The following PARD3B variants were observed in gnomAD, a reference collection of about 807,000 sequenced individuals.
PARD3B encodes the protein par-3 family cell polarity regulator beta.
Under a neutral mutation model 130.2 loss-of-function variants are expected in PARD3B, and 103 were observed. That is an observed-to-expected ratio of 0.79 (90% CI 0.67 to 0.93). The LOEUF (loss-of-function observed/expected upper bound fraction) is 0.93. Among genes scored for constraint, PARD3B ranks in the 40% least tolerant of loss-of-function variants. PARD3B has a pLI of 0.00. For synonymous variants in PARD3B, 583 were observed against 553.2 expected (o/e 1.05, Z -0.76); for missense variants, 1,609 against 1,499.2 (o/e 1.07, Z -1.21).
At position 204,997,047 on chromosome 2, in the gene PARD3B, C is replaced by T. The variant is rs940325008; in HGVS notation, c.394+31724C>T. On this transcript the variant is annotated intron_variant, in intron 3 of 22. Transcript: ENST00000406610. ...TGCAGAAATCACCCGTCTTCTGCGT[C>T]GCTCACGCTGGGAGCTGTAGACCGG... Among the ~76,000 whole-genome samples the T allele has an allele frequency of 5.3e-5, 8 of 152,158 alleles. No homozygotes were observed. The East Asian group carries it at 5.8e-4, about 11-fold the overall frequency.
rs750448131 is a variant in PARD3B, at chr2:205,615,683, C to T, written c.3488C>T (p.Pro1163Leu). 3.7e-6 allele frequency: 6 copies of T among 1,614,118 alleles called. No homozygotes were observed. The highest frequency in any genetic ancestry group is 5.1e-6 in the Non-Finnish European group (6 of 1,180,022). ...TTTCGACAAGACGTTCCGCCTTCCC[C>T]TCCCCAGCACCAAAGAATGCCAGCC... The part of the protein sequence containing the change: ...GPFRQDVPPS[P>L]PQHQRMPAYQ... Residue 1163 changes from proline to leucine, a missense_variant, in exon 23 of 23, where the codon CCT (proline) becomes CTT (leucine). Coordinates refer to ENST00000406610, the MANE Select transcript of PARD3B (RefSeq NM_001302769.2).
In PARD3B at chr2:205,287,617, G is replaced by A. The variant is rs1466428188; in HGVS notation, c.2186-12913G>A. ...TGGGTCGTAGGCACACTGAATGAGA[G>A]TTGAGGAGGCATAGTACACCAAGGA... On this transcript the variant is annotated intron_variant, in intron 16 of 22. Transcript: ENST00000406610. This position sits in a 1 kb window ranked among gnomAD's most constrained non-coding sequence, Gnocchi z 4.8. 6.6e-6 allele frequency among the ~76,000 whole-genome samples: 1 copy of A among 152,162 alleles called. No individual in the cohort carries two copies. Among genetic ancestry groups the A allele is most frequent in the Admixed American group, 6.5e-5 (1 of 15,270 alleles).
chr2:205,440,676 A>G lies in PARD3B; in HGVS notation c.3044+4A>G. On this transcript the variant is annotated splice_donor_region_variant and intron_variant, in intron 20 of 22. Coordinates refer to ENST00000406610, the MANE Select transcript of PARD3B (RefSeq NM_001302769.2). The surrounding 1 kb of genome is among the most constrained non-coding windows in gnomAD (Gnocchi z 4.2). ...ATCCACTGGTTCCAGCTGACAGGTA[A>G]TAAACTTAGTGAAAGATAAATGTAG... is the stretch of plus-strand genomic sequence containing the variant. 2 of 1,606,480 alleles carry G rather than the reference A, an allele frequency of 1.2e-6. No homozygotes were observed. The highest frequency in any genetic ancestry group is 1.7e-6 in the Non-Finnish European group (2 of 1,173,442).
At position 205,021,620 on chromosome 2, in the gene PARD3B, C is replaced by CT. The variant is rs1559362286; in HGVS notation, c.395-25961_395-25960insT. ...TCTCTCTCTCTCTCTCTCTCTCTCT[C>CT]CCTCTCTCTTTCTCTCTCTCTCTCT... On this transcript the variant is annotated intron_variant, in intron 3 of 22. Coordinates refer to ENST00000406610, the MANE Select transcript of PARD3B (RefSeq NM_001302769.2). The surrounding 1 kb of genome is among the most constrained non-coding windows in gnomAD (Gnocchi z 4.5). Among the ~76,000 whole-genome samples, 30 of 136,782 alleles carry CT rather than the reference C, an allele frequency of 2.2e-4. No individual in the cohort carries two copies. Among genetic ancestry groups the CT allele is most frequent in the African/African-American group, 7.6e-4 (28 of 36,802 alleles). The allele number at this position is 136,782 out of a possible 152,430, so 89.7% of individuals were successfully genotyped here.
At chr2:205,453,196 A>G (rs10187219) in intron 20 of PARD3B, among the ~76,000 whole-genome samples, 16,235 of 152,196 alleles carry the variant, frequency 0.11, 1,290 homozygotes, top group African/African-American at 0.23. Context: ...AGATGCTTGA[A>G]TGCAGATCTG....
At chr2:205,514,872 C>G (rs1159193100) in intron 21 of PARD3B, among the ~76,000 whole-genome samples, 34 of 137,696 alleles carry the variant, frequency 2.5e-4, no homozygotes, top group Non-Finnish European at 4.9e-4. Context: ...AGGGTACATG[C>G]GAAGGTTTGT....
intron 18 of PARD3B, among the ~76,000 whole-genome samples, chr2:205,345,712 C>A (rs1314221699): frequency 6.7e-6 from 1 of 150,222 alleles, no homozygotes; most frequent in African/African-American, 2.4e-5. Flanking sequence ...TGGACTGAAA[C>A]CAGGGAATCA....
intron 3 of PARD3B, among the ~76,000 whole-genome samples, chr2:204,986,262 G>C (rs1183337833): frequency 6.6e-6 from 1 of 152,146 alleles, no homozygotes; most frequent in Non-Finnish European, 1.5e-5. Context: ...GGGCCTGCCA[G>C]TATGTAACCC....
intron 2 of PARD3B, among the ~76,000 whole-genome samples, chr2:204,928,802 C>T (rs1303977409): frequency 6.6e-6 from 1 of 152,088 alleles, no homozygotes; most frequent in Non-Finnish European, 1.5e-5. Context: ...TTGAATCTCT[C>T]TCCTGCCTTA....
intron 1 of PARD3B, among the ~76,000 whole-genome samples, chr2:204,646,283 A>G (rs771631018): frequency 6.6e-6 from 1 of 152,080 alleles, no homozygotes; most frequent in Non-Finnish European, 1.5e-5. Flanking sequence ...GGAAAGCACT[A>G]TCCTGAATGT....
intron 16 of PARD3B, among the ~76,000 whole-genome samples, chr2:205,295,622 A>AT (rs2041761275): frequency 6.6e-6 from 1 of 152,192 alleles, no homozygotes; most frequent in Non-Finnish European, 1.5e-5. Flanking sequence ...ACAATTTCTC[A>AT]TTTTTTAATA....
intron 3 of PARD3B, among the ~76,000 whole-genome samples, chr2:205,009,246 A>T (rs1695515030): frequency 6.6e-6 from 1 of 152,224 alleles, no homozygotes; most frequent in Non-Finnish European, 1.5e-5. Flanking sequence ...AGAGTTCGAA[A>T]TGTTTTGTGA....
intron 1 of PARD3B, among the ~76,000 whole-genome samples, chr2:204,563,995 C>T (rs1430934392): frequency 2.6e-5 from 4 of 152,106 alleles, no homozygotes; most frequent in Admixed American, 6.6e-5. Flanking sequence ...AGGATGGTCT[C>T]GATCTCCTGA....
chr2:205,492,418 C>T (rs2049752808), intron 20 of PARD3B, among the ~76,000 whole-genome samples: 1 of 152,236 alleles, frequency 6.6e-6, no homozygotes, highest in African/African-American at 2.4e-5. Context: ...AACAAGATAA[C>T]TTAAATCTGG....
chr2:204,928,634 A>G (rs192337114), intron 2 of PARD3B, among the ~76,000 whole-genome samples: 14 of 152,260 alleles, frequency 9.2e-5, no homozygotes, highest in Admixed American at 5.2e-4. Context: ...GTCTTGGTCA[A>G]TCTCATTTAA....
rs2036503276 is a variant in PARD3B, at chr2:204,675,706, A to G, written c.121-10475A>G. Among the ~76,000 whole-genome samples the G allele has an allele frequency of 6.6e-6, 1 of 152,198 alleles. No homozygotes were observed. Among genetic ancestry groups the G allele is most frequent in the African/African-American group, 2.4e-5 (1 of 41,468 alleles). Reference sequence around the variant, plus strand: ...ATAGTTACTTCACAAAGCTGAATGAAAGTGACATGGGTTAATTAACATTCC... The same window carrying G: ...ATAGTTACTTCACAAAGCTGAATGAGAGTGACATGGGTTAATTAACATTCC... On this transcript the variant is annotated intron_variant, in intron 1 of 22. Coordinates refer to ENST00000406610, the MANE Select transcript of PARD3B (RefSeq NM_001302769.2). This position sits in a 1 kb window ranked among gnomAD's most constrained non-coding sequence, Gnocchi z 4.4.
At chr2:205,020,885 A>G (rs982664728) in intron 3 of PARD3B, among the ~76,000 whole-genome samples, 1 of 152,134 alleles carries the variant, frequency 6.6e-6, no homozygotes, top group Non-Finnish European at 1.5e-5. Context: ...GCAAAGGTTA[A>G]TACGAGCAGG....
chr2:204,851,893 A>G (rs978985434), intron 2 of PARD3B, among the ~76,000 whole-genome samples: 4 of 152,234 alleles, frequency 2.6e-5, no homozygotes, highest in South Asian at 2.1e-4. Flanking sequence ...GGGTTTCACC[A>G]TATTGGCCAG....
At chr2:204,800,579 T>C (rs1396109528) in intron 2 of PARD3B, among the ~76,000 whole-genome samples, 1 of 152,202 alleles carries the variant, frequency 6.6e-6, no homozygotes, top group Non-Finnish European at 1.5e-5. Context: ...TCAAGGCATT[T>C]AATAATCAAA....
Sources: allele counts gnomAD v4.1 joint callset (sites outside exome capture counted in the v4.1 genomes callset), GRCh38; gene constraint gnomAD v4.1.1; non-coding constraint Gnocchi (gnomAD v3.1); transcripts MANE v1.5; gene names NCBI Gene and HGNC (gene_info 2026-07-23, HGNC 2026-07-21).